Variants in LRP1B observed in about 807,000 individuals in gnomAD.
LRP1B encodes the protein low-density lipoprotein receptor-related protein 1B.
LRP1B carries 217 observed loss-of-function variants against 556.6 expected under a neutral mutation model. That is an observed-to-expected ratio of 0.39 (90% CI 0.35 to 0.44). The LOEUF is 0.44. LRP1B is among the 20% of genes least tolerant of loss of function. The pLI is 1.00. For missense variants in LRP1B, 5,053 were observed against 5,620.8 expected (o/e 0.90, Z 3.23); for synonymous variants, 2,047 against 1,865.8 (o/e 1.10, Z -2.50).
At chr2:142,018,646 T>C (rs1465686817) in intron 1 of LRP1B, among the ~76,000 whole-genome samples, 1 of 152,136 alleles carries the variant, frequency 6.6e-6, no homozygotes, top group African/African-American at 2.4e-5. Context: ...ACATAAAAAA[T>C]TTTATTTGCA....
At chr2:141,018,588 C>G (rs1356885481) in intron 12 of LRP1B, among the ~76,000 whole-genome samples, 1 of 152,012 alleles carries the variant, frequency 6.6e-6, no homozygotes, top group Non-Finnish European at 1.5e-5. Flanking sequence ...CTATGAATTC[C>G]ACATTTATGT....
intron 7 of LRP1B, among the ~76,000 whole-genome samples, chr2:141,074,587 C>CTATATATATA (rs1457349404): frequency 1.2e-4 from 10 of 85,698 alleles, no homozygotes; most frequent in South Asian, 7.3e-4. Context: ...CTCTCTCTCT[C>CTATATATATA]TCTATATATA....
At chr2:140,957,897 C>T (rs990201707) in intron 18 of LRP1B, among the ~76,000 whole-genome samples, 1 of 151,430 alleles carries the variant, frequency 6.6e-6, no homozygotes, top group Non-Finnish European at 1.5e-5. Context: ...AAAGAGATAT[C>T]TCAGCCTAGA....
chr2:141,636,093 A>G (rs1574172118), intron 2 of LRP1B, among the ~76,000 whole-genome samples: 1 of 152,110 alleles, frequency 6.6e-6, no homozygotes, highest in Non-Finnish European at 1.5e-5. Context: ...TATTCTGGGT[A>G]CTGGGGACAG....
rs1389188946 is a variant in LRP1B, at chr2:141,593,148, T to C, written c.206-112615A>G. Among the ~76,000 whole-genome samples, 7 of 151,678 alleles carry C rather than the reference T, an allele frequency of 4.6e-5. No homozygotes were observed. In the East Asian group the frequency reaches 1.4e-3, roughly 29 times the overall value. On this transcript the variant is annotated intron_variant, in intron 2 of 90. Coordinates refer to ENST00000389484, the MANE Select transcript of LRP1B (RefSeq NM_018557.3). ...ATTTCTGCAAATGGATAATTAGGGA[T>C]TTCAGAGGGTGAAGAATATTTACAT...
chr2:141,697,199 A>G (rs939986430), intron 2 of LRP1B, among the ~76,000 whole-genome samples: 4 of 151,976 alleles, frequency 2.6e-5, no homozygotes, highest in Non-Finnish European at 4.4e-5. Context: ...TCTTCTCTAC[A>G]TTATTTTAGT....
intron 3 of LRP1B, among the ~76,000 whole-genome samples, chr2:141,284,561 C>A (rs78732729): frequency 1.3e-5 from 2 of 152,226 alleles, no homozygotes; most frequent in South Asian, 2.1e-4. Context: ...ACGCACAAAG[C>A]GTAGTTAAAA....
chr2:141,170,524 A>G (rs1461465487), intron 7 of LRP1B, among the ~76,000 whole-genome samples: 1 of 152,104 alleles, frequency 6.6e-6, no homozygotes, highest in Non-Finnish European at 1.5e-5. Flanking sequence ...GCTGTTTTGT[A>G]TTAAAAATTG....
intron 3 of LRP1B, chr2:141,286,622 A>C: frequency 8.1e-6 from 2 of 246,244 alleles, no homozygotes; most frequent in South Asian, 6.9e-5. Context: ...TGAAATAACA[A>C]ATTTAACATC....
intron 27 of LRP1B, among the ~76,000 whole-genome samples, chr2:140,852,286 C>T (rs1439444110): frequency 6.6e-6 from 1 of 152,138 alleles, no homozygotes; most frequent in African/African-American, 2.4e-5. Context: ...AAGACTGCGC[C>T]ACCACACTCC....
intron 41 of LRP1B, among the ~76,000 whole-genome samples, chr2:140,609,148 C>A (rs1036729292): frequency 6.6e-6 from 1 of 152,116 alleles, no homozygotes; most frequent in Non-Finnish European, 1.5e-5. Context: ...CTCCGCGGTG[C>A]CTGAAACCCT....
intron 2 of LRP1B, among the ~76,000 whole-genome samples, chr2:141,661,501 T>C (rs887220650): frequency 5.3e-5 from 8 of 152,148 alleles, no homozygotes; most frequent in Non-Finnish European, 1.2e-4. Context: ...CTGATGGACT[T>C]GAAAAACACA....
chr2:141,656,231 G>T (rs929323657), intron 2 of LRP1B, among the ~76,000 whole-genome samples: 1 of 151,994 alleles, frequency 6.6e-6, no homozygotes, highest in Non-Finnish European at 1.5e-5. Context: ...TATGATATGT[G>T]GTTGTCATAC....
rs769936295 is a variant in LRP1B, at chr2:141,420,927, G to C, written c.343+59469C>G. Among the ~76,000 whole-genome samples, 3 of 152,196 alleles carry C rather than the reference G, an allele frequency of 2.0e-5. No individual in the cohort carries two copies. The East Asian group carries it at 5.8e-4, about 29-fold the overall frequency. ...GTGCACTCTTCTTTTTCCCTTGAAA[G>C]ATAGTAAATTGGAGTGTTCTACCCT... On this transcript the variant is annotated intron_variant, in intron 3 of 90. Coordinates refer to ENST00000389484, the MANE Select transcript of LRP1B (RefSeq NM_018557.3).
intron 75 of LRP1B, among the ~76,000 whole-genome samples, chr2:140,355,609 A>G (rs969034910): frequency 1.3e-5 from 2 of 151,968 alleles, no homozygotes; most frequent in African/African-American, 4.8e-5. Flanking sequence ...GGTAGGTAAA[A>G]GCACTTAAAG....
intron 35 of LRP1B, among the ~76,000 whole-genome samples, chr2:140,721,991 T>G (rs1384370922): frequency 6.6e-6 from 1 of 152,140 alleles, no homozygotes; most frequent in Non-Finnish European, 1.5e-5. Flanking sequence ...AGATCACTGA[T>G]AGCATCACAC....
At chr2:140,740,604 C>T (rs993371820) in intron 35 of LRP1B, among the ~76,000 whole-genome samples, 1 of 152,066 alleles carries the variant, frequency 6.6e-6, no homozygotes, top group African/African-American at 2.4e-5. Context: ...CAAATCACCA[C>T]TAAAGAACTT....
rs895826764 is a variant in LRP1B, at chr2:141,203,739, C to T, written c.851-15156G>A. Among the ~76,000 whole-genome samples the T allele has an allele frequency of 1.2e-4, 19 of 152,170 alleles. 1 individual carries two copies. Among genetic ancestry groups the T allele is most frequent in the Admixed American group, 6.5e-4 (10 of 15,274 alleles). Reference sequence around the variant, plus strand: ...TCAACAGAATATACATTCTTCTCAGCACCTCATCACACTTATTCTGAAATT... The same window carrying T: ...TCAACAGAATATACATTCTTCTCAGTACCTCATCACACTTATTCTGAAATT... On this transcript the variant is annotated intron_variant, in intron 6 of 90. Coordinates refer to ENST00000389484, the MANE Select transcript of LRP1B (RefSeq NM_018557.3).
intron 66 of LRP1B, among the ~76,000 whole-genome samples, chr2:140,421,806 T>A (rs1194909292): frequency 2.0e-5 from 3 of 152,180 alleles, no homozygotes; most frequent in Admixed American, 6.5e-5. Flanking sequence ...GTCTACCCAA[T>A]TATTAAAGGT....
Sources: allele counts gnomAD v4.1 joint callset (sites outside exome capture counted in the v4.1 genomes callset), GRCh38; gene constraint gnomAD v4.1.1; transcripts MANE v1.5; gene names NCBI Gene and HGNC (gene_info 2026-07-23, HGNC 2026-07-21).